Variants in PBXIP1 observed in about 807,000 individuals in gnomAD.
PBXIP1 encodes PBX homeobox interacting protein 1.
A neutral mutation model predicts 73.7 loss-of-function variants in PBXIP1; 73 were observed. The ratio of observed to expected loss-of-function variants is 0.99; its 90% confidence interval spans 0.82 to 1.20. PBXIP1 has a LOEUF of 1.20. Among genes scored for constraint, PBXIP1 ranks in the 50% most tolerant of loss-of-function variants. The pLI, the probability that PBXIP1 is intolerant of heterozygous loss-of-function variation, is 0.00. For synonymous variants in PBXIP1, 330 were observed against 366.9 expected (o/e 0.90, Z 1.15); for missense variants, 818 against 911.4 (o/e 0.90, Z 1.32).
intron 2 of PBXIP1, among the ~76,000 whole-genome samples, chr1:154,953,357 G>A (rs1298262871): frequency 6.6e-6 from 1 of 151,966 alleles, no homozygotes; most frequent in Non-Finnish European, 1.5e-5. Flanking sequence ...GTGTCCCACA[G>A]TCTCCCCCAG....
rs777985674 is a variant in PBXIP1, at chr1:154,951,555, G to A, written c.179-20C>T. On this transcript the variant is annotated intron_variant, in intron 3 of 10. Coordinates refer to ENST00000368463, the MANE Select transcript of PBXIP1 (RefSeq NM_020524.4). This position sits in a 1 kb window ranked among gnomAD's most constrained non-coding sequence, Gnocchi z 4.3. Reference sequence around the variant, plus strand: ...GCGTCCCTGCGGTAGGAGAAAAGGCGCAGAAAAACCCACTGCCCCAGCTGA... The same window carrying A: ...GCGTCCCTGCGGTAGGAGAAAAGGCACAGAAAAACCCACTGCCCCAGCTGA... 7 of 1,610,568 alleles carry A rather than the reference G, an allele frequency of 4.3e-6. No individual in the cohort carries two copies. The highest frequency in any genetic ancestry group is 3.3e-5 in the Admixed American group (2 of 59,924).
Position 154,951,154 on chromosome 1 carries a change from G to A in PBXIP1, c.409+78C>T. ...AGCCCTAGGGCCTGGACCACAGCAT[G>A]TGCTCAGTAGTGATGGCTGATCCCT... On this transcript the variant is annotated intron_variant, in intron 5 of 10. Transcript: ENST00000368463. The surrounding 1 kb of genome is among the most constrained non-coding windows in gnomAD (Gnocchi z 4.3). 1 of 1,345,472 alleles carries A rather than the reference G, an allele frequency of 7.4e-7. No individual in the cohort carries two copies. 83.3% of individuals were successfully genotyped at this position (1,345,472 alleles called of 1,614,324 possible).
chr1:154,951,916 C>T lies in PBXIP1; in HGVS notation c.57G>A (p.Leu19=). ...ATGCCGGGCCCAGTGTCTCCACTGGCAGGCTCTGGGAGGAGAAGTGCAAGG... is the reference window on the plus strand; with the variant it reads ...ATGCCGGGCCCAGTGTCTCCACTGGTAGGCTCTGGGAGGAGAAGTGCAAGG... The part of the protein sequence containing the change: ...NSWVLAGSES[L]PVETLGPASR... The change falls in exon 3 of 11, where the codon CTG becomes CTA. Residue 19 remains leucine (L), a synonymous_variant. Transcript: ENST00000368463. The surrounding 1 kb of genome is among the most constrained non-coding windows in gnomAD (Gnocchi z 4.3). The T allele has an allele frequency of 6.2e-7, 1 of 1,608,858 alleles. No individual in the cohort carries two copies. The highest frequency in any genetic ancestry group is 8.5e-7 in the Non-Finnish European group (1 of 1,178,690).
intron 2 of PBXIP1, among the ~76,000 whole-genome samples, chr1:154,952,975 G>A (rs1377343448): frequency 3.9e-5 from 6 of 152,130 alleles, no homozygotes; most frequent in African/African-American, 1.2e-4. Flanking sequence ...AAGTCGCTAC[G>A]TCTTGGAACT....
rs1654722284 is a variant in PBXIP1, at chr1:154,944,213, C to T, written c.*811G>A. ...CCTGGATTTGAGCCTGAGGCTCAGACTCCAAAACCCACACTCAATTTGCTA... is the reference window on the plus strand; with the variant it reads ...CCTGGATTTGAGCCTGAGGCTCAGATTCCAAAACCCACACTCAATTTGCTA... On this transcript the variant is annotated 3_prime_UTR_variant, in exon 11 of 11. Coordinates refer to ENST00000368463, the MANE Select transcript of PBXIP1 (RefSeq NM_020524.4). 6.6e-6 allele frequency: 1 copy of T among 152,266 alleles called. No individual in the cohort carries two copies. The highest frequency in any genetic ancestry group is 2.4e-5 in the African/African-American group (1 of 41,434). The allele number at this position is 152,266 out of a possible 1,614,324, so 9.4% of individuals were successfully genotyped here.
At chr1:154,946,962 A>G (rs1331334588) in intron 9 of PBXIP1, 159 bp from the exon 10 acceptor site, 2 of 619,480 alleles carry the variant, frequency 3.2e-6, no homozygotes, top group Non-Finnish European at 5.5e-6. Context: ...CCTCCACCCC[A>G]TCTCCATCAT....
chr1:154,947,557 A>G lies in PBXIP1; in HGVS notation c.739-9T>C, dbSNP rs115123485. On this transcript the variant is annotated splice_polypyrimidine_tract_variant and intron_variant, in intron 8 of 10. Transcript: ENST00000368463. The stretch of plus-strand genomic sequence containing the variant: ...TGTTCCCTTAGCCCATCCTGAGGGC[A>G]GAAGAGCCTGTTATGCCATGCTACC... 3,941 of 1,603,314 alleles carry G rather than the reference A, an allele frequency of 2.5e-3. 111 individuals carry two copies. In the African/African-American group the frequency reaches 0.046, roughly 19 times the overall value.
intron 5 of PBXIP1, among the ~76,000 whole-genome samples, chr1:154,949,767 C>T (rs1431633276): frequency 6.6e-6 from 1 of 151,858 alleles, no homozygotes; most frequent in Non-Finnish European, 1.5e-5. Flanking sequence ...CAAACCTTAG[C>T]ACAAGGGATG....
chr1:154,948,340 A>C lies in PBXIP1; in HGVS notation c.436T>G (p.Ser146Ala). 1 of 1,603,488 alleles carries C rather than the reference A, an allele frequency of 6.2e-7. No individual in the cohort carries two copies. Among genetic ancestry groups the C allele is most frequent in the Non-Finnish European group, 8.5e-7 (1 of 1,175,172 alleles). ...AAWIREEGRC[S>A]SSDDDTDVDM... is the part of the protein sequence containing the mutation. ...ACGTCGGTGTCATCGTCACTGCTGGAGCAGCGGCCCTCCTCCCTGATCCAA... is the reference window on the plus strand; with the variant it reads ...ACGTCGGTGTCATCGTCACTGCTGGCGCAGCGGCCCTCCTCCCTGATCCAA... The change falls in exon 6 of 11, where the codon TCC becomes GCC. Residue 146 changes from serine (S) to alanine (A), a missense_variant. Transcript: ENST00000368463.
At chr1:154,953,883 A>G (rs1373983803) in intron 1 of PBXIP1, 126 bp from the exon 2 acceptor site, 2 of 607,230 alleles carry the variant, frequency 3.3e-6, no homozygotes, top group East Asian at 2.8e-5. Flanking sequence ...GCCTGGTTCC[A>G]GTCCTTCTCT....
rs374693871 is a variant in PBXIP1, at chr1:154,945,997, C to T, written c.1677G>A (p.Arg559=). The T allele has an allele frequency of 1.9e-6, 3 of 1,613,956 alleles. No individual in the cohort carries two copies. In the African/African-American group the frequency reaches 4.0e-5, roughly 22 times the overall value. The change falls in exon 10 of 11, where the codon CGG becomes CGA. Residue 559 remains arginine (R), a synonymous_variant. Transcript: ENST00000368463. ...HSSGEKQKQP[R]WREGTKDSHD... ...GGCTGTCCTTAGTCCCTTCCCTCCA[C>T]CGAGGTTGCTTCTGCTTTTCTCCAG... is the stretch of plus-strand genomic sequence containing the variant.
chr1:154,952,762 G>A (rs1442881645), intron 2 of PBXIP1, among the ~76,000 whole-genome samples: 1 of 152,240 alleles, frequency 6.6e-6, no homozygotes, highest in East Asian at 1.9e-4. Context: ...CACCTCAACA[G>A]GAGGCCAGGG....
Position 154,946,078 on chromosome 1 carries a change from C to G in PBXIP1, c.1596G>C (p.Glu532Asp), listed in dbSNP as rs747077154. 3 of 1,614,174 alleles carry G rather than the reference C, an allele frequency of 1.9e-6. No homozygotes were observed. Among genetic ancestry groups the G allele is most frequent in the Middle Eastern group, 1.7e-4 (1 of 6,060 alleles). ...GTTCCTTCGGGCCCTGTCGCTTGCC[C>G]TCCTTCTTGCTCCCCGACTCCTCCA... ...PRVEESGSKK[E>D]GKRQGPKEPP... is the part of the protein sequence containing the mutation. Residue 532 changes from glutamate (E) to aspartate (D), a missense_variant, in exon 10 of 11, where the codon GAG becomes GAC. Glu to Asp is a conservative substitution (Grantham distance 45). Coordinates refer to ENST00000368463, the MANE Select transcript of PBXIP1 (RefSeq NM_020524.4).
In PBXIP1 at chr1:154,948,289, G is replaced by C. The variant is rs138516434; in HGVS notation, c.487C>G (p.Arg163Gly). The change falls in exon 6 of 11, where the codon CGG becomes GGG. Residue 163 changes from arginine to glycine, a missense_variant. Arg to Gly is a moderately radical substitution (Grantham distance 125). Coordinates refer to ENST00000368463, the MANE Select transcript of PBXIP1 (RefSeq NM_020524.4). ...DVDMEGLRRR[R>G]GREAGPPQPM... is the part of the protein sequence containing the mutation. ...TGAGGTGGGCCGGCCTCCCGGCCCC[G>C]CCGTCTCCGCAGACCCTCCATGTCC... 6.2e-7 allele frequency: 1 copy of C among 1,610,810 alleles called. No individual in the cohort carries two copies. Among genetic ancestry groups the C allele is most frequent in the Admixed American group, 1.7e-5 (1 of 59,572 alleles).
Position 154,945,144 on chromosome 1 carries a change from G to A in PBXIP1, c.2103-27C>T, listed in dbSNP as rs201238532. 9.7e-6 allele frequency: 15 copies of A among 1,550,988 alleles called. No homozygotes were observed. In the East Asian group the frequency reaches 2.0e-4, roughly 21 times the overall value. ...TGTGGGGAGGAAGAGGCCTTTAGGG[G>A]ACAATACCATGCAATGAAAACGGGT... On this transcript the variant is annotated intron_variant, in intron 10 of 10. Coordinates refer to ENST00000368463, the MANE Select transcript of PBXIP1 (RefSeq NM_020524.4).
In PBXIP1 at chr1:154,946,376, C is replaced by T. The variant is rs1471233949; in HGVS notation, c.1298G>A (p.Gly433Asp). ...DPAHAGLAEL[G>D]HRLAQKLQGL... ...CTGCAGTTTCTGGGCCAATCTGTGGCCCAGCTCAGCCAAGCCAGCATGAGC... is the reference window on the plus strand; with the variant it reads ...CTGCAGTTTCTGGGCCAATCTGTGGTCCAGCTCAGCCAAGCCAGCATGAGC... Residue 433 changes from glycine to aspartate, a missense_variant, in exon 10 of 11, where the codon GGC becomes GAC. Transcript: ENST00000368463. 2 of 1,613,088 alleles carry T rather than the reference C, an allele frequency of 1.2e-6. No individual in the cohort carries two copies. Among genetic ancestry groups the T allele is most frequent in the South Asian group, 2.2e-5 (2 of 91,080 alleles).
chr1:154,946,508 G>A lies in PBXIP1; in HGVS notation c.1166C>T (p.Ala389Val). 6.2e-7 allele frequency: 1 copy of A among 1,610,098 alleles called. No homozygotes were observed. Among genetic ancestry groups the A allele is most frequent in the South Asian group, 1.1e-5 (1 of 91,092 alleles). Residue 389 changes from alanine (A) to valine (V), a missense_variant, in exon 10 of 11, where the codon GCT (alanine) becomes GTT (valine). Physicochemically the swap from Ala to Val is moderately conservative, Grantham distance 64. Transcript: ENST00000368463. ...CTCTTGCCTTAATGCCTGTGCCTCA[G>A]CCTCCAGCTGTTCCTTCTGCTTCAG... ...SFLKQKEQLE[A>V]EAQALRQELE...
At chr1:154,953,537 TC>T (rs1655075921) in intron 2 of PBXIP1, 133 bp downstream of exon 2, 1 of 619,892 alleles carries the variant, frequency 1.6e-6, no homozygotes, top group African/African-American at 1.8e-5. Flanking sequence ...CTACTGGAAT[TC>T]CTCTAACAGC....
chr1:154,948,251 G>C lies in PBXIP1; in HGVS notation c.525C>G (p.Pro175=). Residue 175 remains proline, a synonymous_variant, in exon 6 of 11, where the codon CCC becomes CCG. Coordinates refer to ENST00000368463, the MANE Select transcript of PBXIP1 (RefSeq NM_020524.4). ...CCCCAGCCTGGTTCTCCACAGCCAG[G>C]GGCACCATGGGCTGAGGTGGGCCGG... The part of the protein sequence containing the change: ...REAGPPQPMV[P]LAVENQAGGE... The C allele has an allele frequency of 6.2e-7, 1 of 1,612,170 alleles. No homozygotes were observed. Among genetic ancestry groups the C allele is most frequent in the South Asian group, 1.1e-5 (1 of 90,826 alleles).
Sources: allele counts gnomAD v4.1 joint callset (sites outside exome capture counted in the v4.1 genomes callset), GRCh38; gene constraint gnomAD v4.1.1; non-coding constraint Gnocchi (gnomAD v3.1); transcripts MANE v1.5; gene names NCBI Gene and HGNC (gene_info 2026-07-23, HGNC 2026-07-21).